The following CPNE9 variants were observed in gnomAD, a reference collection of about 807,000 sequenced individuals.
The protein encoded by CPNE9 is copine-9.
A neutral mutation model predicts 83.0 loss-of-function variants in CPNE9; 59 were observed. The ratio of observed to expected loss-of-function variants is 0.71; its 90% CI spans 0.58 to 0.88. The LOEUF is 0.88. Ranked by LOEUF, CPNE9 falls within the 40% of genes least tolerant of loss-of-function variation. The pLI, the probability that CPNE9 is intolerant of heterozygous loss-of-function variation, is 0.00. For synonymous variants in CPNE9, 256 were observed against 273.4 expected (o/e 0.94, Z 0.63); for missense variants, 619 against 720.8 (o/e 0.86, Z 1.62).
intron 17 of CPNE9, among the ~76,000 whole-genome samples, chr3:9,724,786 C>T (rs902574080): frequency 1.3e-5 from 2 of 151,954 alleles, no homozygotes; most frequent in African/African-American, 4.8e-5. Flanking sequence ...GACGGAGTCT[C>T]GCTCTTGTCA....
intron 10 of CPNE9, among the ~76,000 whole-genome samples, chr3:9,713,578 T>C (rs1388465767): frequency 6.6e-6 from 1 of 151,982 alleles, no homozygotes; most frequent in Non-Finnish European, 1.5e-5. Flanking sequence ...GTTTGATGGA[T>C]GACTGGGGAG....
chr3:9,714,831 T>C (rs2076665174), intron 10 of CPNE9, 83 bp from the exon 11 acceptor site: 1 of 1,134,476 alleles, frequency 8.8e-7, no homozygotes, highest in Non-Finnish European at 1.3e-6. Context: ...GATGGGGAGA[T>C]GATATGTGTG....
At chr3:9,705,959 G>T in intron 6 of CPNE9, 28 bp from the exon 7 acceptor site, 2 of 1,609,642 alleles carry the variant, frequency 1.2e-6, no homozygotes, top group Non-Finnish European at 1.7e-6. Flanking sequence ...AAGAGCTTCT[G>T]GTCTTGCTGA....
At chr3:9,721,551 G>C (rs535784685) in intron 17 of CPNE9, among the ~76,000 whole-genome samples, 7 of 152,212 alleles carry the variant, frequency 4.6e-5, no homozygotes, top group South Asian at 2.1e-4. Flanking sequence ...CTAGAGGGAG[G>C]GGGTAGGGCA....
intron 5 of CPNE9, 64 bp downstream of exon 5, chr3:9,705,564 C>G (rs1213448234): frequency 7.0e-6 from 11 of 1,576,708 alleles, no homozygotes; most frequent in Non-Finnish European, 8.7e-6. Context: ...TGTTCAACGA[C>G]TCTCAGAACT....
chr3:9,712,787 A>G lies in CPNE9; in HGVS notation c.504A>G (p.Ser168=). 1 of 1,614,180 alleles carries G rather than the reference A, an allele frequency of 6.2e-7. No individual in the cohort carries two copies. Among genetic ancestry groups the G allele is most frequent in the Non-Finnish European group, 8.5e-7 (1 of 1,180,030 alleles). Residue 168 remains serine (S), a synonymous_variant, in exon 9 of 21, where the codon TCA becomes TCG. Coordinates refer to ENST00000383832, the MANE Select transcript of CPNE9 (RefSeq NM_153635.3). ...ACAAGAAGGACTTCTTTGGGAAATC[A>G]GACCCCTTCCTTGTGTTCTACAGGA... ...KLDKKDFFGK[S]DPFLVFYRSN...
chr3:9,713,412 G>A (rs527718738), intron 10 of CPNE9, among the ~76,000 whole-genome samples: 2 of 152,322 alleles, frequency 1.3e-5, no homozygotes, highest in Admixed American at 1.3e-4. Context: ...ATGGATATAT[G>A]AGTGAATTGA....
intron 4 of CPNE9, 34 bp from the exon 5 acceptor site, chr3:9,705,420 CCCCCACCCAG>C: frequency 1.9e-5 from 11 of 568,740 alleles, no homozygotes; most frequent in Middle Eastern, 3.6e-4. Context: ...TCCACCCTCT[CCCCCACCCAG>C]CCCCACCCCA....
chr3:9,707,757 G>C (rs1241878747), intron 7 of CPNE9, among the ~76,000 whole-genome samples: 2 of 145,000 alleles, frequency 1.4e-5, no homozygotes, highest in Admixed American at 7.0e-5. Flanking sequence ...CCCAAGCTGG[G>C]TGACAGAGTG....
At chr3:9,727,284 T>G in intron 20 of CPNE9, 98 bp downstream of exon 20, 1 of 1,262,180 alleles carries the variant, frequency 7.9e-7, no homozygotes, top group Non-Finnish European at 1.2e-6. Context: ...AGTCTCCTAC[T>G]TTTTTCCCCC....
intron 17 of CPNE9, among the ~76,000 whole-genome samples, chr3:9,724,188 C>CTTTTTTTTT (rs201939446): frequency 7.3e-6 from 1 of 136,460 alleles, no homozygotes. Flanking sequence ...CTCTCTAGGT[C>CTTTTTTTTT]TTTTTTTTTT....
At position 9,716,053 on chromosome 3, in the gene CPNE9, C is replaced by G; in HGVS notation, c.884+18C>G. 1 of 1,602,138 alleles carries G rather than the reference C, an allele frequency of 6.2e-7. No homozygotes were observed. Among genetic ancestry groups the G allele is most frequent in the Non-Finnish European group, 8.5e-7 (1 of 1,173,066 alleles). ...AAGGGAGGGTGAGTCACAGGCCAAG[C>G]TCTGGGCTGAAAGCCCGGCAATAAA... is the stretch of plus-strand genomic sequence containing the variant. On this transcript the variant is annotated intron_variant, in intron 14 of 20. Coordinates refer to ENST00000383832, the MANE Select transcript of CPNE9 (RefSeq NM_153635.3).
chr3:9,722,880 C>A (rs1173992277), intron 17 of CPNE9, among the ~76,000 whole-genome samples: 3 of 152,140 alleles, frequency 2.0e-5, no homozygotes, highest in African/African-American at 7.2e-5. Context: ...CTCTGGAACA[C>A]TTTTCCCTTT....
Position 9,704,029 on chromosome 3 carries a change from C to T in CPNE9, c.33C>T (p.Val11=), listed in dbSNP as rs770092525. 1 of 1,608,686 alleles carries T rather than the reference C, an allele frequency of 6.2e-7. No homozygotes were observed. The highest frequency in any genetic ancestry group is 8.5e-7 in the Non-Finnish European group (1 of 1,178,708). MSLGGASERS[V]PATKIEITVS... is the part of the protein sequence containing the mutation. Reference sequence around the variant, plus strand: ...TCGGCGGAGCCTCCGAGCGCAGCGTCCCGGCCACCAAGATTGAAATTACCG... The same window carrying T: ...TCGGCGGAGCCTCCGAGCGCAGCGTTCCGGCCACCAAGATTGAAATTACCG... The change falls in exon 1 of 21, where the codon GTC becomes GTT. Residue 11 remains valine, a synonymous_variant. Transcript: ENST00000383832. This position sits in a 1 kb window ranked among gnomAD's most constrained non-coding sequence, Gnocchi z 7.1.
chr3:9,722,214 T>C (rs988063429), intron 17 of CPNE9, among the ~76,000 whole-genome samples: 20 of 142,838 alleles, frequency 1.4e-4, no homozygotes, highest in Non-Finnish European at 2.0e-4. Flanking sequence ...CATGAGCCAC[T>C]GTCCCCGGCC....
rs573137851 is a variant in CPNE9 at position 9,704,035 on chromosome 3, C to T, written c.39C>T (p.Ala13=). ...GAGCCTCCGAGCGCAGCGTCCCGGCCACCAAGATTGAAATTACCGTGTCCT... is the reference window on the plus strand; with the variant it reads ...GAGCCTCCGAGCGCAGCGTCCCGGCTACCAAGATTGAAATTACCGTGTCCT... ...LGGASERSVP[A]TKIEITVSCR... The change falls in exon 1 of 21, where the codon GCC becomes GCT. Residue 13 remains alanine (A), a synonymous_variant. Transcript: ENST00000383832. The surrounding 1 kb of genome is among the most constrained non-coding windows in gnomAD (Gnocchi z 7.1). The T allele has an allele frequency of 6.2e-7, 1 of 1,609,116 alleles. No homozygotes were observed. The highest frequency in any genetic ancestry group is 1.7e-5 in the Admixed American group (1 of 59,826).
At position 9,704,179 on chromosome 3, in the gene CPNE9, A is replaced by T. The variant is rs530281789; in HGVS notation, c.68+115A>T. 1 of 977,900 alleles carries T rather than the reference A, an allele frequency of 1.0e-6. No individual in the cohort carries two copies. The highest frequency in any genetic ancestry group is 1.5e-5 in the South Asian group (1 of 66,532). The allele number at this position is 977,900 out of a possible 1,614,324, so 60.6% of individuals were successfully genotyped here. On this transcript the variant is annotated intron_variant, in intron 1 of 20. Transcript: ENST00000383832. The surrounding 1 kb of genome is among the most constrained non-coding windows in gnomAD (Gnocchi z 7.1). ...CCCGGGGAGAGGCGAAATTGGCTGG[A>T]AAATCACAGCTGATGACAGGGCGAG...
chr3:9,729,381 G>A (rs1264980510), intron 20 of CPNE9, 126 bp from the exon 21 acceptor site: 1 of 1,344,762 alleles, frequency 7.4e-7, no homozygotes, highest in South Asian at 1.7e-5. Context: ...TGTTCAAGAT[G>A]TGGAGAGGGA....
intron 18 of CPNE9, among the ~76,000 whole-genome samples, chr3:9,726,453 T>C (rs992969960): frequency 3.3e-5 from 5 of 152,200 alleles, no homozygotes; most frequent in Non-Finnish European, 7.3e-5. Flanking sequence ...TATGCAAATA[T>C]GCCCTCTGCT....
Sources: allele counts gnomAD v4.1 joint callset (sites outside exome capture counted in the v4.1 genomes callset), GRCh38; gene constraint gnomAD v4.1.1; non-coding constraint Gnocchi (gnomAD v3.1); transcripts MANE v1.5; gene names NCBI Gene and HGNC (gene_info 2026-07-23, HGNC 2026-07-21).